Variants in TTC14 observed in about 807,000 individuals in gnomAD.
The protein encoded by TTC14 is tetratricopeptide repeat protein 14.
A neutral mutation model predicts 79.9 loss-of-function variants in TTC14; 63 were observed. The ratio of observed to expected loss-of-function variants is 0.79; its 90% confidence interval spans 0.64 to 0.97. The LOEUF is 0.97. TTC14 is among the 50% of genes least tolerant of loss of function. The pLI is 0.00. For synonymous variants in TTC14, 335 were observed against 309.6 expected (o/e 1.08, Z -0.86); for missense variants, 895 against 894.0 (o/e 1.00, Z -0.01).
chr3:180,616,174 G>T, intron 12 of TTC14: 1 of 851,644 alleles, frequency 1.2e-6, no homozygotes, highest in Non-Finnish European at 2.0e-6. Context: ...AACACTGGCA[G>T]TGAGTGCATG....
downstream of TTC14, chr3:180,615,018 T>G (rs1489099162): frequency 3.8e-6 from 6 of 1,560,118 alleles, no homozygotes; most frequent in Non-Finnish European, 5.2e-6. Context: ...GGCCGGGAAT[T>G]TAAGCTCCAG....
chr3:180,613,806 T>C (rs1327681425), downstream of TTC14: 2 of 453,886 alleles, frequency 4.4e-6, no homozygotes. Context: ...AAAAATTTTA[T>C]TACCTACCTT....
chr3:180,605,777 C>G lies in TTC14; in HGVS notation c.869C>G (p.Ser290Cys), dbSNP rs1716646321. ...ATTTTCTTTAATAGCAAAAATTTCT[C>G]TGAAGATGATTTTGCTTCTGCATTG... is the stretch of plus-strand genomic sequence containing the variant. The part of the protein sequence containing the change: ...LMRGLQSKNF[S>C]EDDFASALRK... The change falls in exon 7 of 12, where the codon TCT becomes TGT. Residue 290 changes from serine to cysteine, a missense_variant. Coordinates refer to ENST00000296015, the MANE Select transcript of TTC14 (RefSeq NM_133462.4). 6.4e-7 allele frequency: 1 copy of G among 1,565,654 alleles called. No homozygotes were observed. The highest frequency in any genetic ancestry group is 1.4e-5 in the African/African-American group (1 of 70,542).
At chr3:180,617,629 A>G (rs1052966329) in exon 13 of TTC14, 1 of 407,636 alleles carries the variant, frequency 2.5e-6, no homozygotes, top group African/African-American at 2.0e-5. Flanking sequence ...AAGTAAAAAA[A>G]CTAAAAATAG....
intron 10 of TTC14, 176 bp from the exon 11 acceptor site, chr3:180,608,525 C>G: frequency 8.3e-7 from 1 of 1,205,002 alleles, no homozygotes; most frequent in Non-Finnish European, 1.0e-6. Context: ...TGACTAATGC[C>G]AAACATCTGT....
chr3:180,615,544 A>G (rs1664233163), downstream of TTC14, among the ~76,000 whole-genome samples: 1 of 152,152 alleles, frequency 6.6e-6, no homozygotes, highest in African/African-American at 2.4e-5. Flanking sequence ...AAAAAGTTTT[A>G]AATATATATT....
downstream of TTC14, chr3:180,614,225 T>G (rs1226378135): frequency 6.1e-6 from 1 of 163,336 alleles, no homozygotes; most frequent in African/African-American, 2.4e-5. Flanking sequence ...TTCAAAATTG[T>G]TTATACTTGG....
rs754230304 is a variant in TTC14, at chr3:180,610,943, T to A, written c.*401T>A. The A allele has an allele frequency of 3.2e-5, 31 of 972,736 alleles. No individual in the cohort carries two copies. Among genetic ancestry groups the A allele is most frequent in the Non-Finnish European group, 3.8e-5 (31 of 818,458 alleles). The allele number at this position is 972,736 out of a possible 1,614,324, so 60.3% of individuals were successfully genotyped here. ...TATAAAAATTAATTTCATTTTCTTT[T>A]CTGTTAAATTAAAAATCGTCAGCTT... On this transcript the variant is annotated 3_prime_UTR_variant, in exon 12 of 12. Transcript: ENST00000296015.
intron 9 of TTC14, 138 bp from the exon 10 acceptor site, chr3:180,607,510 A>G (rs1447250221): frequency 8.6e-6 from 11 of 1,277,760 alleles, no homozygotes; most frequent in Non-Finnish European, 1.1e-5. Flanking sequence ...AAAGCATATT[A>G]TTTTGGTATT....
Position 180,610,121 on chromosome 3 carries a change from A to G in TTC14, c.1892A>G (p.Asp631Gly), listed in dbSNP as rs766423231. The G allele has an allele frequency of 4.3e-6, 7 of 1,613,204 alleles. No homozygotes were observed. Among genetic ancestry groups the G allele is most frequent in the Non-Finnish European group, 5.9e-6 (7 of 1,179,760 alleles). ...RHFSSRRNSS[D>G]SFCRNSEDKI... is the part of the protein sequence containing the mutation. ...TTTTCCAGTAGAAGAAATTCCTCAGATTCCTTCTGTAGGAATTCAGAGGAC... is the reference window on the plus strand; with the variant it reads ...TTTTCCAGTAGAAGAAATTCCTCAGGTTCCTTCTGTAGGAATTCAGAGGAC... Residue 631 changes from aspartate (D) to glycine (G), a missense_variant, in exon 12 of 12, where the codon GAT becomes GGT. Physicochemically the swap from Asp to Gly is moderately conservative, Grantham distance 94 (BLOSUM62 -1). Coordinates refer to ENST00000296015, the MANE Select transcript of TTC14 (RefSeq NM_133462.4).
rs763991670 is a variant in TTC14, at chr3:180,603,135, A to T, written c.298A>T (p.Ile100Phe). 1.2e-6 allele frequency: 2 copies of T among 1,613,468 alleles called. No homozygotes were observed. The highest frequency in any genetic ancestry group is 1.1e-5 in the South Asian group (1 of 90,832). ...TTTTTTTTTTTTAGATCATTATGCA[A>T]TCATGCCACCTTTAGAGCAATTCAT... ...INEDSEDHYA[I>F]MPPLEQFMEI... Residue 100 changes from isoleucine (I) to phenylalanine (F), a missense_variant, in exon 3 of 12, where the codon ATC becomes TTC. By Grantham distance (21) the Ile-to-Phe change is conservative. Coordinates refer to ENST00000296015, the MANE Select transcript of TTC14 (RefSeq NM_133462.4).
At chr3:180,609,575 T>C in intron 11 of TTC14, 55 bp from the exon 12 acceptor site, 1 of 1,438,724 alleles carries the variant, frequency 7.0e-7, no homozygotes, top group East Asian at 2.5e-5. Context: ...CACATCTTTA[T>C]GAATAATTTA....
downstream of TTC14, among the ~76,000 whole-genome samples, chr3:180,612,849 C>T (rs1323247098): frequency 6.6e-6 from 1 of 152,176 alleles, no homozygotes; most frequent in Admixed American, 6.5e-5. Flanking sequence ...GCAAACTATG[C>T]ATCAGGCAGG....
At chr3:180,605,168 G>C in intron 6 of TTC14, 161 bp downstream of exon 6, 1 of 574,204 alleles carries the variant, frequency 1.7e-6, no homozygotes, top group South Asian at 3.4e-5. Context: ...GGACTGGACT[G>C]TCTTATCAGT....
intron 11 of TTC14, 123 bp from the exon 12 acceptor site, chr3:180,609,507 T>G (rs1254998985): frequency 7.5e-7 from 1 of 1,337,208 alleles, no homozygotes; most frequent in Admixed American, 3.6e-5. Context: ...CCGAGATTAT[T>G]GTATCATTTA....
chr3:180,610,380 T>C lies in TTC14; in HGVS notation c.2151T>C (p.Asn717=). The change falls in exon 12 of 12, where the codon AAT becomes AAC. Residue 717 remains asparagine (N), a synonymous_variant. Coordinates refer to ENST00000296015, the MANE Select transcript of TTC14 (RefSeq NM_133462.4). ...AAGGAGAATATGAAAGAGAGGACAA[T>C]TATGGGGAGGATATCAAAACAGAGG... ...TNQGEYERED[N]YGEDIKTEVP... 1 of 1,613,488 alleles carries C rather than the reference T, an allele frequency of 6.2e-7. No individual in the cohort carries two copies. The highest frequency in any genetic ancestry group is 1.1e-5 in the South Asian group (1 of 91,002).
At position 180,605,822 on chromosome 3, in the gene TTC14, C is replaced by T; in HGVS notation, c.914C>T (p.Ser305Phe). 6.4e-7 allele frequency: 1 copy of T among 1,574,348 alleles called. No homozygotes were observed. The highest frequency in any genetic ancestry group is 8.6e-7 in the Non-Finnish European group (1 of 1,169,104). Residue 305 changes from serine to phenylalanine, a missense_variant, in exon 7 of 12, where the codon TCT becomes TTT. Transcript: ENST00000296015. ...GCATTGAGAAAAAAACAATCCGCAT[C>T]TTGGGCTTTAAAATGGTATGAAGAC... is the stretch of plus-strand genomic sequence containing the variant. ...ASALRKKQSASWALKCVKIGV... is the reference protein window; with the variant it reads ...ASALRKKQSAFWALKCVKIGV...
chr3:180,616,702 G>T, intron 12 of TTC14: 1 of 1,581,736 alleles, frequency 6.3e-7, no homozygotes, highest in Non-Finnish European at 8.6e-7. Flanking sequence ...CACACTGTTG[G>T]TAAATAATAG....
In TTC14 at chr3:180,610,089, A is replaced by G; in HGVS notation, c.1860A>G (p.Glu620=). 2 of 1,613,592 alleles carry G rather than the reference A, an allele frequency of 1.2e-6. No homozygotes were observed. Among genetic ancestry groups the G allele is most frequent in the Non-Finnish European group, 1.7e-6 (2 of 1,179,862 alleles). The change falls in exon 12 of 12, where the codon GAA becomes GAG. Residue 620 remains glutamate, a synonymous_variant. Transcript: ENST00000296015. ...SSKTEKPYKS[E]RHFSSRRNSS... is the part of the protein sequence containing the mutation. ...AAACAGAAAAGCCATATAAATCAGA[A>G]AGACATTTTTCCAGTAGAAGAAATT...
Sources: gnomAD v4.1 joint callset for allele counts (sites outside exome capture counted in the v4.1 genomes callset) on GRCh38, gnomAD v4.1.1 for gene constraint, MANE v1.5 for transcripts, NCBI Gene and HGNC (gene_info 2026-07-23, HGNC 2026-07-21) for gene names.